SCARA3: variants seen among roughly 807,000 people sequenced by gnomAD.
SCARA3 encodes scavenger receptor class A member 3, also known as cellular stress response gene protein.
SCARA3 carries 39 observed loss-of-function variants against 47.0 expected under a neutral mutation model. That is an observed-to-expected ratio of 0.83 (90% CI 0.64 to 1.08). SCARA3 has a LOEUF of 1.08. Among genes scored for constraint, SCARA3 ranks in the 50% least tolerant of loss-of-function variants. The probability of loss-of-function intolerance (pLI) is 0.00; values close to 1 mark genes in which losing one functional copy is unlikely to be tolerated. For synonymous variants in SCARA3, 356 were observed against 334.1 expected (o/e 1.07, Z -0.71); for missense variants, 724 against 792.3 (o/e 0.91, Z 1.04).
At chr8:27,634,399 G>T (rs1161381973) in intron 1 of SCARA3, among the ~76,000 whole-genome samples, 192 bp downstream of exon 1, 2 of 152,172 alleles carry the variant, frequency 1.3e-5, no homozygotes, top group Non-Finnish European at 2.9e-5. Context: ...AAAGAGGAGA[G>T]GGAGGATGGG....
At position 27,668,215 on chromosome 8, in the gene SCARA3, T is replaced by C. The variant is rs1045012873; in HGVS notation, c.1370-2685T>C. Among the ~76,000 whole-genome samples the C allele has an allele frequency of 2.0e-5, 3 of 152,166 alleles. No homozygotes were observed. In the East Asian group the frequency reaches 5.8e-4, roughly 29 times the overall value. Reference sequence around the variant, plus strand: ...GGCTGGTCGGGAGGAGGGAGAGTTTTTTCTCCTTTGCTGCTGGCACAGAAT... The same window carrying C: ...GGCTGGTCGGGAGGAGGGAGAGTTTCTTCTCCTTTGCTGCTGGCACAGAAT... On this transcript the variant is annotated intron_variant, in intron 5 of 5. Coordinates refer to ENST00000301904, the MANE Select transcript of SCARA3 (RefSeq NM_016240.3).
chr8:27,680,310 T>C (rs1321352013), downstream of SCARA3, among the ~76,000 whole-genome samples: 1 of 151,074 alleles, frequency 6.6e-6, no homozygotes, highest in Non-Finnish European at 1.5e-5. Flanking sequence ...ATAAATAAAA[T>C]AAGAAACCCC....
chr8:27,670,964 C>A lies in SCARA3; in HGVS notation c.1434C>A (p.Gly478=). The A allele has an allele frequency of 2.5e-6, 4 of 1,599,568 alleles. No individual in the cohort carries two copies. Among genetic ancestry groups the A allele is most frequent in the Non-Finnish European group, 3.4e-6 (4 of 1,175,612 alleles). Residue 478 remains glycine (G), a synonymous_variant, in exon 6 of 6, where the codon GGC becomes GGA. Transcript: ENST00000301904. ...ATATGGGCGTGAAAGGGCCTGTTGG[C>A]GGCAGAGGCCCGAAAGGAGACCCCG... ...KGDMGVKGPV[G]GRGPKGDPGS...
At chr8:27,650,178 G>T (rs1801601989) in intron 2 of SCARA3, among the ~76,000 whole-genome samples, 1 of 151,942 alleles carries the variant, frequency 6.6e-6, no homozygotes, top group African/African-American at 2.4e-5. Flanking sequence ...ATTTTTTGTA[G>T]ATACAAGAGT....
the SCARA3 span, among the ~76,000 whole-genome samples, chr8:27,689,035 A>C: frequency 6.6e-6 from 1 of 152,122 alleles, no homozygotes; most frequent in African/African-American, 2.4e-5. Flanking sequence ...CCCCCAAGGC[A>C]CCTCCTTAGA....
At chr8:27,715,244 C>T in the SCARA3 span, among the ~76,000 whole-genome samples, 3,036 of 152,168 alleles carry the variant, frequency 0.02, 56 homozygotes, top group Non-Finnish European at 0.028. The surrounding 1 kb of genome is among the most constrained non-coding windows in gnomAD (Gnocchi z 4.2). Context: ...TTATTGAAGG[C>T]TCTAAGTCCA....
chr8:27,691,714 C>A, the SCARA3 span, among the ~76,000 whole-genome samples: 5 of 152,124 alleles, frequency 3.3e-5, no homozygotes, highest in African/African-American at 1.2e-4. Context: ...GGCCCATTTC[C>A]TTGTGTGTCC....
chr8:27,703,942 C>A, the SCARA3 span, among the ~76,000 whole-genome samples: 10 of 132,016 alleles, frequency 7.6e-5, no homozygotes, highest in Non-Finnish European at 1.4e-4. Context: ...TGAAATGATA[C>A]ACTACACATA....
At chr8:27,733,017 C>G in the SCARA3 span, among the ~76,000 whole-genome samples, 1 of 152,190 alleles carries the variant, frequency 6.6e-6, no homozygotes, top group East Asian at 1.9e-4. Context: ...TTCAGGCAGA[C>G]CCCCAGGAAT....
the SCARA3 span, among the ~76,000 whole-genome samples, chr8:27,698,956 C>A: frequency 9.2e-5 from 14 of 152,034 alleles, no homozygotes; most frequent in African/African-American, 3.1e-4. Context: ...ATTAATAAGA[C>A]GTTCATGGCT....
Position 27,671,204 on chromosome 8 carries a change from A to C in SCARA3, c.1674A>C (p.Ser558=). 6.6e-7 allele frequency: 1 copy of C among 1,509,898 alleles called. No individual in the cohort carries two copies. Among genetic ancestry groups the C allele is most frequent in the East Asian group, 2.5e-5 (1 of 40,590 alleles). The allele number at this position is 1,509,898 out of a possible 1,614,324, so 93.5% of individuals were successfully genotyped here. A position where few individuals can be genotyped will look rare whatever the true frequency, so the allele number is the denominator to read the frequency against. ...GGCCCCCGGGGTCTCCAGGGCCCTC[A>C]GGGCCTCAGGGAAAACCGGGAATTG... The part of the protein sequence containing the change: ...PEGPPGSPGP[S]GPQGKPGIAG... The change falls in exon 6 of 6, where the codon TCA becomes TCC. Residue 558 remains serine, a synonymous_variant. Transcript: ENST00000301904.
chr8:27,692,860 CA>C, the SCARA3 span, among the ~76,000 whole-genome samples: 126 of 152,234 alleles, frequency 8.3e-4, no homozygotes, highest in Middle Eastern at 0.01. Flanking sequence ...TATGGTGGCT[CA>C]TGCCTGTAAT....
At chr8:27,685,560 T>C in the SCARA3 span, among the ~76,000 whole-genome samples, 2 of 152,200 alleles carry the variant, frequency 1.3e-5, no homozygotes, top group Non-Finnish European at 2.9e-5. Context: ...TTTTGAAAAG[T>C]CTTATCAAAC....
intron 4 of SCARA3, 92 bp downstream of exon 4, chr8:27,656,972 C>G (rs1314905173): frequency 1.3e-6 from 1 of 778,340 alleles, no homozygotes; most frequent in East Asian, 2.5e-5. Flanking sequence ...CACCAAGCAA[C>G]CTTCACCAGC....
Position 27,659,519 on chromosome 8 carries a change from G to T in SCARA3, c.1349G>T (p.Arg450Leu), listed in dbSNP as rs141443674. 6.2e-7 allele frequency: 1 copy of T among 1,609,674 alleles called. No homozygotes were observed. The highest frequency in any genetic ancestry group is 8.5e-7 in the Non-Finnish European group (1 of 1,177,118). ...GACACACAGCATGGAGAAATCCTTC[G>T]CAATGTCACCATCCTACGAGGTAAG... Reference protein sequence around the residue: ...AVDTQHGEILRNVTILRGAPG... With the variant: ...AVDTQHGEILLNVTILRGAPG... The change falls in exon 5 of 6, where the codon CGC becomes CTC. Residue 450 changes from arginine to leucine, a missense_variant. Physicochemically the swap from Arg to Leu is moderately radical, Grantham distance 102. Coordinates refer to ENST00000301904, the MANE Select transcript of SCARA3 (RefSeq NM_016240.3).
chr8:27,727,187 T>C, the SCARA3 span, among the ~76,000 whole-genome samples: 1 of 152,182 alleles, frequency 6.6e-6, no homozygotes, highest in Non-Finnish European at 1.5e-5. Context: ...GCTGGGATTA[T>C]AGGTGTGAGC....
At chr8:27,676,249 C>A (rs148682910), downstream of SCARA3, among the ~76,000 whole-genome samples, 225 of 152,324 alleles carry the variant, frequency 1.5e-3, 5 homozygotes, top group East Asian at 0.022. Context: ...TCAACTTGCT[C>A]AAGTTCCCAG....
the SCARA3 span, among the ~76,000 whole-genome samples, chr8:27,720,975 T>A: frequency 6.6e-6 from 1 of 152,118 alleles, no homozygotes; most frequent in Non-Finnish European, 1.5e-5. Context: ...CATCCATCTA[T>A]CCATTCATTC....
intron 5 of SCARA3, among the ~76,000 whole-genome samples, chr8:27,670,395 G>A (rs758682914): frequency 7.9e-5 from 12 of 152,166 alleles, no homozygotes; most frequent in Admixed American, 1.3e-4. Context: ...ATCAGGGTGG[G>A]CTTCCTGGAG....
Sources: gnomAD v4.1 joint callset for allele counts (sites outside exome capture counted in the v4.1 genomes callset) on GRCh38, gnomAD v4.1.1 for gene constraint, Gnocchi (gnomAD v3.1) non-coding constraint, MANE v1.5 for transcripts, NCBI Gene and HGNC (gene_info 2026-07-23, HGNC 2026-07-21) for gene names.